Variants in KCNK2 observed in about 807,000 individuals in gnomAD.
KCNK2 encodes potassium channel subfamily K member 2.
In KCNK2, 21 loss-of-function variants were observed where a neutral mutation model predicts 40.5. That is an observed-to-expected ratio of 0.52 (90% CI 0.37 to 0.75). The LOEUF is 0.75. Among genes scored for constraint, KCNK2 ranks in the 30% least tolerant of loss-of-function variants. KCNK2 has a pLI of 0.00. For missense variants in KCNK2, 399 were observed against 531.6 expected (o/e 0.75, Z 2.45); for synonymous variants, 191 against 202.2 (o/e 0.94, Z 0.47).
At chr1:215,096,182 A>G (rs924443309) in intron 2 of KCNK2, among the ~76,000 whole-genome samples, 4 of 151,976 alleles carry the variant, frequency 2.6e-5, no homozygotes, top group African/African-American at 9.7e-5. Context: ...ATAAGCATAT[A>G]TGGATATACC....
In KCNK2 at chr1:215,036,546, A is replaced by G. The variant is rs1363462520; in HGVS notation, c.34+30591A>G. On this transcript the variant is annotated intron_variant, in intron 1 of 6. Transcript: ENST00000391895. Reference sequence around the variant, plus strand: ...TTTGAATTTTAAAATATATTTTAGAATCAGCTTGTCAGTTTCTTTAGTGTG... The same window carrying G: ...TTTGAATTTTAAAATATATTTTAGAGTCAGCTTGTCAGTTTCTTTAGTGTG... Among the ~76,000 whole-genome samples the G allele has an allele frequency of 3.3e-5, 5 of 151,868 alleles. No individual in the cohort carries two copies. In the East Asian group the frequency reaches 9.6e-4, roughly 29 times the overall value.
rs11120494 is a variant in KCNK2, at chr1:215,108,604, G to A, written c.358-16029G>A. Among the ~76,000 whole-genome samples, 1,061 of 152,166 alleles carry A rather than the reference G, an allele frequency of 7.0e-3. 13 individuals carry two copies. The highest frequency in any genetic ancestry group is 0.024 in the African/African-American group (986 of 41,522). ...TCATTGCCAAGGCCAATGTTATGAA[G>A]CTTTTCCCCTGTGTTTTCTTCTAGA... On this transcript the variant is annotated intron_variant, in intron 2 of 6. Coordinates refer to ENST00000444842, the MANE Select transcript of KCNK2 (RefSeq NM_001017425.3).
intron 6 of KCNK2, among the ~76,000 whole-genome samples, chr1:215,228,296 C>T (rs1322286971): frequency 6.6e-6 from 1 of 152,114 alleles, no homozygotes; most frequent in African/African-American, 2.4e-5. Flanking sequence ...GACTCAGAAA[C>T]TAAGAGCAAA....
chr1:215,032,073 G>A (rs1657219686), intron 1 of KCNK2, among the ~76,000 whole-genome samples: 1 of 150,778 alleles, frequency 6.6e-6, no homozygotes, highest in Non-Finnish European at 1.5e-5. Context: ...ATTATTTTGA[G>A]CAAACTGTTA....
intron 3 of KCNK2, among the ~76,000 whole-genome samples, chr1:215,145,051 C>T (rs1021275378): frequency 6.6e-6 from 1 of 152,128 alleles, no homozygotes; most frequent in South Asian, 2.1e-4. Flanking sequence ...AATTTTGACT[C>T]AACCACTCCT....
intron 6 of KCNK2, among the ~76,000 whole-genome samples, chr1:215,202,051 G>A (rs143945014): frequency 6.6e-6 from 1 of 152,080 alleles, no homozygotes; most frequent in Admixed American, 6.6e-5. Context: ...AGATATTCAA[G>A]TAGTTATAAA....
intron 1 of KCNK2, among the ~76,000 whole-genome samples, chr1:215,020,452 G>A (rs1455505118): frequency 6.6e-6 from 1 of 152,100 alleles, no homozygotes; most frequent in South Asian, 2.1e-4. Flanking sequence ...TTGACACAGG[G>A]TCTGGCTGTG....
chr1:215,228,394 AC>A (rs1460132922), intron 6 of KCNK2, among the ~76,000 whole-genome samples: 1 of 152,176 alleles, frequency 6.6e-6, no homozygotes, highest in Non-Finnish European at 1.5e-5. Flanking sequence ...GTGGATGAGA[AC>A]AGTTCCAGTA....
At chr1:215,023,216 T>TTA (rs1558060088) in intron 1 of KCNK2, among the ~76,000 whole-genome samples, 1 of 151,884 alleles carries the variant, frequency 6.6e-6, no homozygotes, top group Non-Finnish European at 1.5e-5. Context: ...TATTATTATT[T>TTA]TTTTTGTATC....
At chr1:215,229,975 C>T (rs1471841100) in intron 6 of KCNK2, among the ~76,000 whole-genome samples, 2 of 149,954 alleles carry the variant, frequency 1.3e-5, no homozygotes, top group African/African-American at 4.9e-5. Flanking sequence ...TTGTATAGCC[C>T]TTTATATTTT....
At chr1:215,121,329 C>T (rs562044385) in intron 2 of KCNK2, among the ~76,000 whole-genome samples, 1 of 152,170 alleles carries the variant, frequency 6.6e-6, no homozygotes, top group South Asian at 2.1e-4. Flanking sequence ...GCTCTGTCAC[C>T]CAGGCTGGAG....
At chr1:215,220,940 T>A (rs562593574) in intron 6 of KCNK2, among the ~76,000 whole-genome samples, 40 of 152,250 alleles carry the variant, frequency 2.6e-4, no homozygotes, top group Admixed American at 1.8e-3. Flanking sequence ...ACCACCCGGG[T>A]CATCAGACAG....
chr1:215,207,547 GGTT>G (rs1396862507), intron 6 of KCNK2, among the ~76,000 whole-genome samples: 2 of 152,162 alleles, frequency 1.3e-5, no homozygotes, highest in Non-Finnish European at 2.9e-5. Flanking sequence ...CCTTATGTAA[GGTT>G]GTTCCCAAGA....
At chr1:215,185,055 T>G (rs746823482) in intron 5 of KCNK2, among the ~76,000 whole-genome samples, 1 of 152,196 alleles carries the variant, frequency 6.6e-6, no homozygotes, top group Non-Finnish European at 1.5e-5. Flanking sequence ...GATAGCTGTG[T>G]GCTAATAAGA....
At chr1:215,155,813 CA>C (rs2102618035) in intron 3 of KCNK2, among the ~76,000 whole-genome samples, 1 of 152,276 alleles carries the variant, frequency 6.6e-6, no homozygotes, top group East Asian at 1.9e-4. Flanking sequence ...ACCACCACGC[CA>C]GGCCGAGATT....
chr1:215,192,093 TA>T (rs1192928088), intron 5 of KCNK2, among the ~76,000 whole-genome samples: 1 of 152,230 alleles, frequency 6.6e-6, no homozygotes, highest in Non-Finnish European at 1.5e-5. Flanking sequence ...ATTCCTAATT[TA>T]AAAATAAAAC....
At chr1:215,112,744 A>C (rs373906605) in intron 2 of KCNK2, among the ~76,000 whole-genome samples, 1 of 152,158 alleles carries the variant, frequency 6.6e-6, no homozygotes, top group Non-Finnish European at 1.5e-5. Flanking sequence ...CCATTGTCTT[A>C]CAGTTGCCTT....
intron 1 of KCNK2, among the ~76,000 whole-genome samples, chr1:215,072,430 C>T (rs1045976363): frequency 6.6e-6 from 1 of 152,222 alleles, no homozygotes; most frequent in African/African-American, 2.4e-5. Flanking sequence ...CCTGCAAACA[C>T]ATTTTATTTG....
intron 3 of KCNK2, among the ~76,000 whole-genome samples, chr1:215,131,006 GC>G (rs1422540052): frequency 6.6e-6 from 1 of 150,620 alleles, no homozygotes; most frequent in Non-Finnish European, 1.5e-5. Flanking sequence ...GACTACAGGC[GC>G]CCGCCACTGC....
Sources: gnomAD v4.1 joint callset for allele counts (sites outside exome capture counted in the v4.1 genomes callset) on GRCh38, gnomAD v4.1.1 for gene constraint, MANE v1.5 for transcripts, NCBI Gene and HGNC (gene_info 2026-07-23, HGNC 2026-07-21) for gene names.